The following AKAP13 variants were observed in gnomAD, a reference collection of about 807,000 sequenced individuals.
AKAP13 encodes A-kinase anchor protein 13.
AKAP13 carries 80 observed loss-of-function variants against 264.5 expected under a neutral mutation model. That is an observed-to-expected ratio of 0.30 (90% CI 0.25 to 0.36). The LOEUF is 0.36. AKAP13 is among the 10% of genes least tolerant of loss of function. The probability of loss-of-function intolerance (pLI) is 1.00; values close to 1 mark genes in which losing one functional copy is unlikely to be tolerated. For synonymous variants in AKAP13, 1,380 were observed against 1,250.2 expected, an observed-to-expected ratio of 1.10 and a Z score of -2.19; for missense variants, 3,712 against 3,435.2, an observed-to-expected ratio of 1.08 and a Z score of -2.01.
chr15:85,582,258 G>A, intron 7 of AKAP13, 151 bp downstream of exon 7: 1 of 862,560 alleles, frequency 1.2e-6, no homozygotes, highest in Non-Finnish European at 1.7e-6. Flanking sequence ...CCACCATCAG[G>A]AGGGGCACGT....
chr15:85,448,044 A>G (rs1284284660), intron 1 of AKAP13, among the ~76,000 whole-genome samples: 1 of 151,840 alleles, frequency 6.6e-6, no homozygotes, highest in Non-Finnish European at 1.5e-5. Flanking sequence ...TGTTTTTTTG[A>G]CTTTTTAATA....
intron 17 of AKAP13, among the ~76,000 whole-genome samples, chr15:85,698,607 C>T (rs1231291179): frequency 6.6e-6 from 1 of 151,326 alleles, no homozygotes; most frequent in East Asian, 1.9e-4. Flanking sequence ...CCTTGTAGCA[C>T]AAAAGCAACC....
intron 6 of AKAP13, chr15:85,577,829 A>T (rs1050066091): frequency 2.0e-6 from 2 of 985,238 alleles, no homozygotes; most frequent in Non-Finnish European, 2.4e-6. Flanking sequence ...GTTAAGTTAG[A>T]TTGGTTGGAA....
intron 15 of AKAP13, among the ~76,000 whole-genome samples, chr15:85,683,054 A>G (rs1291692380): frequency 1.3e-5 from 2 of 152,182 alleles, no homozygotes; most frequent in Admixed American, 1.3e-4. Context: ...TTGAAGTTTA[A>G]TTGGGGTTCC....
rs1426192785 is a variant in AKAP13 at position 85,579,627 on chromosome 15, A to T, written c.1559A>T (p.Asp520Val). The change falls in exon 7 of 37, where the codon GAC becomes GTC. Residue 520 changes from aspartate to valine, a missense_variant. Asp to Val is a radical substitution (Grantham distance 152). This residue lies in a region of AKAP13 where 2,759 missense variants were observed against 2,411.7 expected (regional missense o/e 1.14). Coordinates refer to ENST00000394518, the MANE Select transcript of AKAP13 (RefSeq NM_007200.5). ...AATATTGGCACAGCTGGAGCCTCTG[A>T]CGTGCACGTCACAAGTAAGCCTGTG... ...NSNIGTAGASDVHVTSKPVDK... is the reference protein window; with the variant it reads ...NSNIGTAGASVVHVTSKPVDK... 6.2e-7 allele frequency: 1 copy of T among 1,614,104 alleles called. No individual in the cohort carries two copies. Among genetic ancestry groups the T allele is most frequent in the East Asian group, 2.2e-5 (1 of 44,908 alleles).
chr15:85,560,515 T>A (rs1023242345), intron 5 of AKAP13, among the ~76,000 whole-genome samples: 3 of 152,218 alleles, frequency 2.0e-5, no homozygotes, highest in Non-Finnish European at 4.4e-5. Context: ...AAGACAGGTT[T>A]ATTTTATTAT....
At chr15:85,678,384 G>C (rs1314871378) in intron 14 of AKAP13, among the ~76,000 whole-genome samples, 1 of 152,144 alleles carries the variant, frequency 6.6e-6, no homozygotes, top group Non-Finnish European at 1.5e-5. Context: ...TGCACAATAA[G>C]ACAGTTTAGT....
intron 8 of AKAP13, among the ~76,000 whole-genome samples, chr15:85,605,234 T>C (rs1330275576): frequency 6.6e-6 from 1 of 152,198 alleles, no homozygotes; most frequent in Non-Finnish European, 1.5e-5. Flanking sequence ...GTGGAGAGGA[T>C]ATTTAAAAGT....
chr15:85,530,905 G>T (rs945591023), intron 3 of AKAP13, among the ~76,000 whole-genome samples: 3 of 152,088 alleles, frequency 2.0e-5, no homozygotes, highest in Non-Finnish European at 4.4e-5. Flanking sequence ...TAGAGACAGG[G>T]TCTCTGTCTC....
At chr15:85,578,858 T>G (rs2079102808) in intron 6 of AKAP13, 72 bp from the exon 7 acceptor site, 1 of 1,450,960 alleles carries the variant, frequency 6.9e-7, no homozygotes, top group Non-Finnish European at 9.4e-7. Context: ...CCAACAGAAT[T>G]TTTGCTCAGA....
intron 16 of AKAP13, chr15:85,690,055 A>G (rs1035214153): frequency 5.9e-5 from 9 of 152,258 alleles, no homozygotes; most frequent in African/African-American, 1.9e-4. Flanking sequence ...GCTCGGTTTC[A>G]TGAAGTACCC....
chr15:85,711,009 A>T (rs923516976), intron 19 of AKAP13, among the ~76,000 whole-genome samples: 1 of 115,256 alleles, frequency 8.7e-6, no homozygotes, highest in Non-Finnish European at 2.2e-5. Flanking sequence ...GGCTTGTTAA[A>T]CTTTTTTTTT....
Position 85,427,319 on chromosome 15 carries a change from T to C in AKAP13, c.-12+46521T>C, listed in dbSNP as rs979193860. 2.0e-5 allele frequency among the ~76,000 whole-genome samples: 3 copies of C among 152,198 alleles called. No homozygotes were observed. In the East Asian group the frequency reaches 5.8e-4, roughly 29 times the overall value. ...TCTTAATTTGTCCAGGTCTTCTGCC[T>C]GTATTCTGCTTTCATGGGAATAAAC... On this transcript the variant is annotated intron_variant, in intron 1 of 36. Transcript: ENST00000394518.
intron 2 of AKAP13, among the ~76,000 whole-genome samples, chr15:85,503,970 T>G (rs1318378766): frequency 6.6e-6 from 1 of 152,110 alleles, no homozygotes; most frequent in African/African-American, 2.4e-5. Flanking sequence ...CTTTGTGTGC[T>G]GTGTGTTGAA....
chr15:85,706,360 C>A (rs796230686), intron 17 of AKAP13, among the ~76,000 whole-genome samples: 5 of 152,152 alleles, frequency 3.3e-5, no homozygotes, highest in African/African-American at 9.7e-5. Flanking sequence ...CCGTTTGCCT[C>A]GACCACTTTG....
intron 1 of AKAP13, among the ~76,000 whole-genome samples, chr15:85,441,260 G>A (rs1353994958): frequency 6.6e-6 from 1 of 151,700 alleles, no homozygotes; most frequent in Non-Finnish European, 1.5e-5. Context: ...ATAATGTTAA[G>A]CTTTTTTTTA....
chr15:85,717,938 A>C, intron 21 of AKAP13, 69 bp from the exon 22 acceptor site: 1 of 1,486,702 alleles, frequency 6.7e-7, no homozygotes, highest in East Asian at 2.3e-5. Flanking sequence ...CATCTTGAGG[A>C]AAGTCCAACA....
Position 85,514,857 on chromosome 15 carries a change from G to C in AKAP13, c.34-6571G>C, listed in dbSNP as rs62023864. On this transcript the variant is annotated intron_variant, in intron 2 of 36. Transcript: ENST00000394518. The stretch of plus-strand genomic sequence containing the variant: ...GATTTTGAGGGGTTTTTTTTTTTTG[G>C]TACTGTAATAATTGCCACCTCATGG... Among the ~76,000 whole-genome samples, 8 of 133,186 alleles carry C rather than the reference G, an allele frequency of 6.0e-5. 1 individual carries two copies. The highest frequency in any genetic ancestry group is 2.4e-4 in the African/African-American group (8 of 32,758). The allele number at this position is 133,186 out of a possible 152,430, so 87.4% of individuals were successfully genotyped here.
chr15:85,415,501 G>T (rs1021737917), intron 1 of AKAP13: 1 of 1,541,178 alleles, frequency 6.5e-7, no homozygotes, highest in Admixed American at 1.7e-5. Context: ...TTTACAGATG[G>T]TGCATTGGTT....
Sources: allele counts gnomAD v4.1 joint callset (sites outside exome capture counted in the v4.1 genomes callset), GRCh38; gene constraint gnomAD v4.1.1; regional missense constraint gnomAD v4.1.1; transcripts MANE v1.5; gene names NCBI Gene and HGNC (gene_info 2026-07-23, HGNC 2026-07-21).